SEMA5B: variants seen among roughly 807,000 people sequenced by gnomAD.
The protein encoded by SEMA5B is semaphorin-5B.
In SEMA5B, 66 loss-of-function variants were observed where a neutral mutation model predicts 135.0. The ratio of observed to expected loss-of-function variants is 0.49; its 90% confidence interval spans 0.40 to 0.60. SEMA5B has a LOEUF of 0.60. SEMA5B is among the 20% of genes least tolerant of loss of function. The pLI is 0.00. For synonymous variants in SEMA5B, 690 were observed against 639.5 expected (o/e 1.08, Z -1.19); for missense variants, 1,501 against 1,566.3 (o/e 0.96, Z 0.70).
At chr3:122,951,514 A>C (rs1379016888) in intron 2 of SEMA5B, among the ~76,000 whole-genome samples, 1 of 152,214 alleles carries the variant, frequency 6.6e-6, no homozygotes, top group Non-Finnish European at 1.5e-5. Flanking sequence ...ACATTTGTCT[A>C]ACTTGTCGCC....
intron 1 of SEMA5B, among the ~76,000 whole-genome samples, chr3:123,000,024 G>A (rs371197129): frequency 3.3e-5 from 5 of 152,000 alleles, no homozygotes; most frequent in South Asian, 2.1e-4. Context: ...CCTGGCTAAC[G>A]TGGTGAAACC....
Position 122,995,519 on chromosome 3 carries a change from G to A in SEMA5B, c.-39+31945C>T, listed in dbSNP as rs114515381. Among the ~76,000 whole-genome samples the A allele has an allele frequency of 5.2e-3, 795 of 152,304 alleles. 4 individuals carry two copies. Among genetic ancestry groups the A allele is most frequent in the Non-Finnish European group, 7.5e-3 (510 of 68,028 alleles). ...GAGGTCTTGATTCATACCTGAAAGC[G>A]GCTGGCCTGGGCCACACATGGTTTA... On this transcript the variant is annotated intron_variant, in intron 1 of 22. Coordinates refer to ENST00000357599, the MANE Select transcript of SEMA5B (RefSeq NM_001031702.4).
At chr3:122,961,485 G>C (rs1940580310) in intron 1 of SEMA5B, among the ~76,000 whole-genome samples, 184 bp from the exon 2 acceptor site, 1 of 151,472 alleles carries the variant, frequency 6.6e-6, no homozygotes, top group South Asian at 2.1e-4. Flanking sequence ...TTTTAGGCGG[G>C]GTCTTGCTCT....
At chr3:122,976,260 C>T in intron 1 of SEMA5B, 1 of 1,148,758 alleles carries the variant, frequency 8.7e-7, no homozygotes, top group Non-Finnish European at 1.2e-6. Flanking sequence ...ATTCTCAGGC[C>T]TCACCCCAGA....
chr3:122,913,492 G>A (rs769271505), intron 16 of SEMA5B, 42 bp downstream of exon 16: 20 of 1,590,384 alleles, frequency 1.3e-5, no homozygotes, highest in Non-Finnish European at 1.5e-5. Context: ...CTCGGCTCCA[G>A]TACCCTACAC....
chr3:122,977,455 A>G (rs1941369175), intron 1 of SEMA5B, among the ~76,000 whole-genome samples: 1 of 152,194 alleles, frequency 6.6e-6, no homozygotes, highest in South Asian at 2.1e-4. Context: ...TGGACAACCT[A>G]TATTTTTACT....
In SEMA5B at chr3:122,994,102, G is replaced by A. The variant is rs898195110; in HGVS notation, c.-38-32801C>T. Among the ~76,000 whole-genome samples, 3 of 152,020 alleles carry A rather than the reference G, an allele frequency of 2.0e-5. No individual in the cohort carries two copies. The South Asian group carries it at 6.3e-4, about 32-fold the overall frequency. On this transcript the variant is annotated intron_variant, in intron 1 of 22. Coordinates refer to ENST00000357599, the MANE Select transcript of SEMA5B (RefSeq NM_001031702.4). Reference sequence around the variant, plus strand: ...CCCTTCTGGAGTGTGCCATCAGCCCGGCACCACTACAGCCCGACTTCCTCA... The same window carrying A: ...CCCTTCTGGAGTGTGCCATCAGCCCAGCACCACTACAGCCCGACTTCCTCA...
intron 18 of SEMA5B, among the ~76,000 whole-genome samples, 189 bp from the exon 19 acceptor site, chr3:122,912,531 A>G (rs1937791267): frequency 6.6e-6 from 1 of 151,974 alleles, no homozygotes; most frequent in South Asian, 2.1e-4. Context: ...AGGGAAACGC[A>G]GGAAGCAGCA....
At chr3:122,998,964 C>T (rs797021007) in intron 1 of SEMA5B, among the ~76,000 whole-genome samples, 2 of 152,170 alleles carry the variant, frequency 1.3e-5, no homozygotes, top group African/African-American at 4.8e-5. Context: ...CCTGTCCAAC[C>T]CTTTCATGTT....
intron 1 of SEMA5B, among the ~76,000 whole-genome samples, chr3:122,973,999 T>A (rs1941220667): frequency 6.6e-6 from 1 of 152,136 alleles, no homozygotes; most frequent in Non-Finnish European, 1.5e-5. Context: ...TCGGGCCGTC[T>A]AGGAGCAGGC....
At chr3:122,952,333 C>A (rs1384035810) in intron 2 of SEMA5B, among the ~76,000 whole-genome samples, 1 of 152,310 alleles carries the variant, frequency 6.6e-6, no homozygotes, top group East Asian at 1.9e-4. Context: ...TGACCCCTGG[C>A]CCCTCAAACA....
chr3:122,926,505 C>T lies in SEMA5B; in HGVS notation c.1023G>A (p.Lys341=), dbSNP rs1206309536. ...LLEDTWTTFM[K]ARLNCSRPGE... is the part of the protein sequence containing the mutation. ...CCGGGCGGGAGCAGTTGAGCCGGGCCTTCATGAATGTGGTCCATGTGTCCT... is the reference window on the plus strand; with the variant it reads ...CCGGGCGGGAGCAGTTGAGCCGGGCTTTCATGAATGTGGTCCATGTGTCCT... The change falls in exon 9 of 23, where the codon AAG becomes AAA. Residue 341 remains lysine (K), a synonymous_variant. Transcript: ENST00000357599. 1.9e-6 allele frequency: 3 copies of T among 1,614,256 alleles called. No individual in the cohort carries two copies. The highest frequency in any genetic ancestry group is 2.5e-6 in the Non-Finnish European group (3 of 1,180,052).
chr3:122,999,081 C>T (rs1221479584), intron 1 of SEMA5B, among the ~76,000 whole-genome samples: 2 of 152,124 alleles, frequency 1.3e-5, no homozygotes, highest in Admixed American at 6.6e-5. Context: ...AGTTCCAGCC[C>T]GGAGGCCCTC....
intron 1 of SEMA5B, among the ~76,000 whole-genome samples, chr3:122,981,915 AG>A (rs1044208648): frequency 6.6e-6 from 1 of 152,168 alleles, no homozygotes; most frequent in African/African-American, 2.4e-5. Context: ...TATAATTCCA[AG>A]TGCTTTGCGT....
chr3:122,971,412 TG>T (rs2107646184), intron 1 of SEMA5B, among the ~76,000 whole-genome samples: 1 of 152,394 alleles, frequency 6.6e-6, no homozygotes, highest in South Asian at 2.1e-4. Context: ...AAGGCACTAA[TG>T]TGCCCACTCA....
intron 1 of SEMA5B, among the ~76,000 whole-genome samples, chr3:122,995,699 G>A (rs1227612171): frequency 1.3e-5 from 2 of 152,196 alleles, no homozygotes; most frequent in Non-Finnish European, 2.9e-5. Context: ...CATGGCTGGG[G>A]GGCCAGGAGG....
At chr3:122,948,764 C>T in intron 2 of SEMA5B, 55 bp from the exon 3 acceptor site, 1 of 1,383,438 alleles carries the variant, frequency 7.2e-7, no homozygotes, top group Admixed American at 2.1e-5. Context: ...GGCCCACTTC[C>T]CTCAATTTCC....
At chr3:122,967,368 G>A (rs531495058) in intron 1 of SEMA5B, among the ~76,000 whole-genome samples, 40 of 152,264 alleles carry the variant, frequency 2.6e-4, no homozygotes, top group African/African-American at 7.0e-4. Context: ...GGATCTTCTC[G>A]AGTTGAATTA....
chr3:122,992,229 G>C (rs1164723325), intron 1 of SEMA5B, among the ~76,000 whole-genome samples: 1 of 152,208 alleles, frequency 6.6e-6, no homozygotes, highest in African/African-American at 2.4e-5. Context: ...AGTGCTGATA[G>C]CAAAGTGACT....
Sources: allele counts gnomAD v4.1 joint callset (sites outside exome capture counted in the v4.1 genomes callset), GRCh38; gene constraint gnomAD v4.1.1; transcripts MANE v1.5; gene names NCBI Gene and HGNC (gene_info 2026-07-23, HGNC 2026-07-21).